BBX: variants seen among roughly 807,000 people sequenced by gnomAD.
BBX encodes the protein BBX high mobility group box domain containing.
In BBX, 30 loss-of-function variants were observed where a neutral mutation model predicts 100.2. That is an observed-to-expected ratio of 0.30 (90% CI 0.22 to 0.41). The LOEUF (loss-of-function observed/expected upper bound fraction) is 0.41. BBX is among the 10% of genes least tolerant of loss of function. The probability of loss-of-function intolerance (pLI) is 1.00; values close to 1 mark genes in which losing one functional copy is unlikely to be tolerated. For missense variants in BBX, 1,023 were observed against 1,129.8 expected, an observed-to-expected ratio of 0.91 and a Z score of 1.35; for synonymous variants, 376 against 388.1, an observed-to-expected ratio of 0.97 and a Z score of 0.37.
Position 107,778,451 on chromosome 3 carries a change from G to C in BBX, c.2135G>C (p.Cys712Ser). Residue 712 changes from cysteine to serine, a missense_variant, in exon 13 of 18, where the codon TGT (cysteine) becomes TCT (serine). Transcript: ENST00000325805. Reference protein sequence around the residue: ...QYSPVTFDRKCVPVPRKKKKT... With the variant: ...QYSPVTFDRKSVPVPRKKKKT... ...AGTCCTGTTACATTTGACCGGAAAT[G>C]TGTACCTGTCCCAAGAAAAAAGAAG... The C allele has an allele frequency of 6.2e-7, 1 of 1,613,420 alleles. No homozygotes were observed.
In BBX at chr3:107,663,983, T is replaced by A. The variant is rs574663474; in HGVS notation, c.-10+18074T>A. On this transcript the variant is annotated intron_variant, in intron 3 of 17. Transcript: ENST00000325805. Reference sequence around the variant, plus strand: ...ACTGTGCCCAGCTAATTTTTTGTATTTTTAGTAGAGACGAGGTTTCACCGT... The same window carrying A: ...ACTGTGCCCAGCTAATTTTTTGTATATTTAGTAGAGACGAGGTTTCACCGT... 1.4e-3 allele frequency among the ~76,000 whole-genome samples: 214 copies of A among 152,204 alleles called. 1 individual carries two copies. The highest frequency in any genetic ancestry group is 2.6e-3 in the Non-Finnish European group (175 of 68,010).
intron 16 of BBX, among the ~76,000 whole-genome samples, chr3:107,800,622 A>G (rs1005698935): frequency 6.6e-6 from 1 of 152,216 alleles, no homozygotes; most frequent in Non-Finnish European, 1.5e-5. Context: ...GAACTGGTTA[A>G]TGTGCTGTAT....
intron 16 of BBX, among the ~76,000 whole-genome samples, chr3:107,799,675 T>C (rs778474990): frequency 6.6e-6 from 1 of 152,182 alleles, no homozygotes; most frequent in Admixed American, 6.5e-5. Flanking sequence ...ACTTCCTATA[T>C]AACTGGTTTA....
intron 3 of BBX, among the ~76,000 whole-genome samples, chr3:107,681,512 A>C (rs1439688205): frequency 6.6e-6 from 1 of 152,084 alleles, no homozygotes; most frequent in Non-Finnish European, 1.5e-5. Flanking sequence ...GTAGGGGTCA[A>C]AGGGCAGGGA....
At position 107,604,203 on chromosome 3, in the gene BBX, GAC is replaced by G. The variant is rs1245114767; in HGVS notation, c.-83-41631_-83-41630del. Among the ~76,000 whole-genome samples the G allele has an allele frequency of 5.9e-5, 9 of 152,270 alleles. 1 individual carries two copies. In the South Asian group the frequency reaches 1.7e-3, roughly 28 times the overall value. On this transcript the variant is annotated intron_variant, in intron 2 of 17. Transcript: ENST00000325805. ...GTGTTTCTGATGTGTAGTCAGACTT[GAC>G]AGTTGCATTGCCTGAACATTCCTAG...
chr3:107,773,936 A>G lies in BBX; in HGVS notation c.1915+300A>G, dbSNP rs549505323. 6.6e-6 allele frequency among the ~76,000 whole-genome samples: 1 copy of G among 152,276 alleles called. No homozygotes were observed. Among genetic ancestry groups the G allele is most frequent in the South Asian group, 2.1e-4 (1 of 4,824 alleles). On this transcript the variant is annotated intron_variant, in intron 11 of 17. Transcript: ENST00000325805. The surrounding 1 kb of genome is among the most constrained non-coding windows in gnomAD (Gnocchi z 4.1). ...CTGTTTGTTTTGAAAGATTATTATT[A>G]AATATTCAGAGCTTTAGGTTTGGTT...
At chr3:107,737,776 A>G (rs868620036) in intron 7 of BBX, among the ~76,000 whole-genome samples, 3 of 150,304 alleles carry the variant, frequency 2.0e-5, no homozygotes, top group South Asian at 2.1e-4. Flanking sequence ...TGATCTGCCT[A>G]TTTTAAAATG....
intron 7 of BBX, among the ~76,000 whole-genome samples, chr3:107,737,895 T>TG: frequency 8.9e-6 from 1 of 112,610 alleles, no homozygotes; most frequent in South Asian, 2.6e-4. Context: ...TTTTTTTTTT[T>TG]TTTTTTTTTT....
chr3:107,571,403 G>A (rs768296033), intron 2 of BBX, among the ~76,000 whole-genome samples: 1 of 152,308 alleles, frequency 6.6e-6, no homozygotes, highest in African/African-American at 2.4e-5. Flanking sequence ...TCCTGAGTCC[G>A]TGACTGGCGC....
At chr3:107,589,645 A>G (rs1433981067) in intron 2 of BBX, among the ~76,000 whole-genome samples, 1 of 152,216 alleles carries the variant, frequency 6.6e-6, no homozygotes, top group Non-Finnish European at 1.5e-5. Context: ...GAGCAGTGCC[A>G]CAGAGTTCTT....
intron 3 of BBX, among the ~76,000 whole-genome samples, chr3:107,659,043 A>C (rs2058300283): frequency 6.6e-6 from 1 of 152,142 alleles, no homozygotes; most frequent in Non-Finnish European, 1.5e-5. Flanking sequence ...ACTTGAAAGA[A>C]TAGATCACTA....
At chr3:107,532,123 G>T (rs192854769) in intron 2 of BBX, among the ~76,000 whole-genome samples, 1 of 152,064 alleles carries the variant, frequency 6.6e-6, no homozygotes, top group Admixed American at 6.5e-5. Flanking sequence ...GAGCCCGCAC[G>T]GTTGAGGCTG....
intron 15 of BBX, among the ~76,000 whole-genome samples, chr3:107,797,364 A>ATAT (rs71113691): frequency 9.1e-6 from 1 of 109,838 alleles, no homozygotes; most frequent in Non-Finnish European, 1.9e-5. Context: ...ATATATATAT[A>ATAT]GCTTTATTGC....
Position 107,603,559 on chromosome 3 carries a change from A to G in BBX, c.-83-42277A>G, listed in dbSNP as rs556516603. On this transcript the variant is annotated intron_variant, in intron 2 of 17. Transcript: ENST00000325805. ...ATGCCTGGCTAGTTTTTGTATTTTT[A>G]GTAGAGATGGGGGTTTCACCATGTT... 6.0e-5 allele frequency among the ~76,000 whole-genome samples: 9 copies of G among 150,428 alleles called. No individual in the cohort carries two copies. The South Asian group carries it at 1.9e-3, about 32-fold the overall frequency.
chr3:107,642,207 C>T (rs2057253439), intron 2 of BBX, among the ~76,000 whole-genome samples: 1 of 152,178 alleles, frequency 6.6e-6, no homozygotes, highest in Non-Finnish European at 1.5e-5. Flanking sequence ...GGGTTATGCA[C>T]ACCCAGGACA....
At chr3:107,682,462 T>A (rs371999387) in intron 3 of BBX, among the ~76,000 whole-genome samples, 1 of 152,036 alleles carries the variant, frequency 6.6e-6, no homozygotes, top group Non-Finnish European at 1.5e-5. Flanking sequence ...TAAAATACTG[T>A]GGGACCGAAG....
At position 107,710,350 on chromosome 3, in the gene BBX, G is replaced by A. The variant is rs919665751; in HGVS notation, c.-9-102G>A. 100 of 882,310 alleles carry A rather than the reference G, an allele frequency of 1.1e-4. 2 individuals are homozygous for A. The Admixed American group carries it at 2.9e-3, about 26-fold the overall frequency. The allele number at this position is 882,310 out of a possible 1,614,324, so 54.7% of individuals were successfully genotyped here. A position where few individuals can be genotyped will look rare whatever the true frequency, so the allele number is the denominator to read the frequency against. ...AATTATAATCTAATTAATCCTAAAG[G>A]GAGCTAAATAAACTAATTGTAATCA... On this transcript the variant is annotated intron_variant, in intron 3 of 17. Coordinates refer to ENST00000325805, the MANE Select transcript of BBX (RefSeq NM_001142568.3).
At chr3:107,697,476 C>T (rs1199886679) in intron 3 of BBX, among the ~76,000 whole-genome samples, 1 of 151,510 alleles carries the variant, frequency 6.6e-6, no homozygotes, top group Non-Finnish European at 1.5e-5. Context: ...GTCAGTCTGC[C>T]CCTGCTGGGG....
intron 2 of BBX, among the ~76,000 whole-genome samples, chr3:107,583,135 A>G (rs746988693): frequency 2.6e-5 from 4 of 151,960 alleles, no homozygotes; most frequent in Non-Finnish European, 5.9e-5. Flanking sequence ...AACTGCTTTA[A>G]GTATATGGGA....
Sources: gnomAD v4.1 joint callset for allele counts (sites outside exome capture counted in the v4.1 genomes callset) on GRCh38, gnomAD v4.1.1 for gene constraint, Gnocchi (gnomAD v3.1) non-coding constraint, MANE v1.5 for transcripts, NCBI Gene and HGNC (gene_info 2026-07-23, HGNC 2026-07-21) for gene names.